The following ZFYVE1 variants were observed in gnomAD, a reference collection of about 807,000 sequenced individuals.
The protein encoded by ZFYVE1 is zinc finger FYVE domain-containing protein 1.
ZFYVE1 carries 30 observed loss-of-function variants against 74.4 expected under a neutral mutation model. The ratio of observed to expected loss-of-function variants is 0.40; its 90% CI spans 0.30 to 0.55. The LOEUF is 0.55. Ranked by LOEUF, ZFYVE1 falls within the 20% of genes least tolerant of loss-of-function variation. ZFYVE1 has a pLI of 0.42. For missense variants in ZFYVE1, 703 were observed against 1,011.6 expected (o/e 0.69, Z 4.14); for synonymous variants, 335 against 385.1 (o/e 0.87, Z 1.52).
At position 73,026,961 on chromosome 14, in the gene ZFYVE1, G is replaced by C. The variant is rs1782773772; in HGVS notation, c.-470C>G. The C allele has an allele frequency of 2.5e-6, 1 of 398,750 alleles. No individual in the cohort carries two copies. The allele number at this position is 398,750 out of a possible 1,614,324, so 24.7% of individuals were successfully genotyped here. On this transcript the variant is annotated 5_prime_UTR_variant, in exon 1 of 12. Coordinates refer to ENST00000556143, the MANE Select transcript of ZFYVE1 (RefSeq NM_021260.4). ...CTCGGCCGCAGCAAGGCGGCGTCGG[G>C]GGGCCGCAGGGCGCCAGTGGGGGCA...
At chr14:72,980,711 G>A (rs946349790) in intron 5 of ZFYVE1, among the ~76,000 whole-genome samples, 23 of 152,176 alleles carry the variant, frequency 1.5e-4, no homozygotes, top group African/African-American at 5.5e-4. Flanking sequence ...GGGACTACAG[G>A]CGCCGGCCAC....
chr14:72,993,350 G>A lies in ZFYVE1; in HGVS notation c.996C>T (p.Pro332=), dbSNP rs1212361059. ...GGATGAGCTTCTCTGGCACCTCTGA[G>A]GGATGATCTATACAAGCAGAAACAC... ...VHTQLLGSDH[P]SEVPEKLIQD... The change falls in exon 4 of 12, where the codon CCC becomes CCT. Residue 332 remains proline, a synonymous_variant. Transcript: ENST00000556143. The A allele has an allele frequency of 1.2e-6, 2 of 1,612,432 alleles. No individual in the cohort carries two copies. Among genetic ancestry groups the A allele is most frequent in the South Asian group, 2.2e-5 (2 of 91,012 alleles).
In ZFYVE1 at chr14:72,974,959, T is replaced by A; in HGVS notation, c.1807A>T (p.Ser603Cys). ...AYWRPNSQILSCNKCATSFKD... is the reference protein window; with the variant it reads ...AYWRPNSQILCCNKCATSFKD... ...AAGGACGTCGCACACTTGTTGCAGC[T>A]CTGTTCCAAGCCCAAAACAAAACAG... Residue 603 changes from serine (S) to cysteine (C), a missense_variant and splice_region_variant, in exon 10 of 12, where the codon AGC becomes TGC. Physicochemically the swap from Ser to Cys is moderately radical, Grantham distance 112 (BLOSUM62 -1). Around this residue, in one of 2 missense-constraint regions of ZFYVE1, gnomAD observed 492 missense variants for 790.0 expected, o/e 0.62. Coordinates refer to ENST00000556143, the MANE Select transcript of ZFYVE1 (RefSeq NM_021260.4). 1 of 1,603,490 alleles carries A rather than the reference T, an allele frequency of 6.2e-7. No individual in the cohort carries two copies. The highest frequency in any genetic ancestry group is 1.1e-5 in the South Asian group (1 of 90,790).
chr14:72,997,337 AGAATT>A (rs1272829546), intron 3 of ZFYVE1, among the ~76,000 whole-genome samples: 2 of 152,192 alleles, frequency 1.3e-5, no homozygotes, highest in Non-Finnish European at 2.9e-5. Context: ...ACTCTGTCAA[AGAATT>A]GAATAAAGTA....
rs190809577 is a variant in ZFYVE1 at position 72,983,280 on chromosome 14, G to A, written c.1204-1385C>T. On this transcript the variant is annotated intron_variant, in intron 4 of 11. Coordinates refer to ENST00000556143, the MANE Select transcript of ZFYVE1 (RefSeq NM_021260.4). Reference sequence around the variant, plus strand: ...TGTTACATACGTATACATGTGCCACGTTGGTGTGCTGCACCCATTAACTCG... The same window carrying A: ...TGTTACATACGTATACATGTGCCACATTGGTGTGCTGCACCCATTAACTCG... Among the ~76,000 whole-genome samples, 439 of 150,848 alleles carry A rather than the reference G, an allele frequency of 2.9e-3. 8 individuals carry two copies. The highest frequency in any genetic ancestry group is 1.2e-3 in the Non-Finnish European group (80 of 67,892).
intron 4 of ZFYVE1, 96 bp downstream of exon 4, chr14:72,993,047 T>C (rs1893657384): frequency 1.6e-6 from 2 of 1,244,324 alleles, no homozygotes; most frequent in Non-Finnish European, 2.2e-6. Context: ...TCCACCCAGA[T>C]TTCCAATCAC....
At chr14:72,983,002 C>T (rs1044222080) in intron 4 of ZFYVE1, among the ~76,000 whole-genome samples, 5 of 152,086 alleles carry the variant, frequency 3.3e-5, no homozygotes, top group African/African-American at 9.7e-5. Context: ...CACCACCACA[C>T]CCGGCTAATT....
At chr14:73,013,695 G>A (rs1894136205) in intron 2 of ZFYVE1, among the ~76,000 whole-genome samples, 1 of 151,958 alleles carries the variant, frequency 6.6e-6, no homozygotes, top group African/African-American at 2.4e-5. Context: ...AAGCTCCTCT[G>A]CGTCTCTTTC....
At chr14:73,013,496 T>C (rs1359071967) in intron 2 of ZFYVE1, among the ~76,000 whole-genome samples, 1 of 151,842 alleles carries the variant, frequency 6.6e-6, no homozygotes, top group African/African-American at 2.4e-5. Flanking sequence ...TAATCCCAGC[T>C]ACTTCGGAGG....
At chr14:72,990,689 C>CCT (rs1893588207) in intron 4 of ZFYVE1, among the ~76,000 whole-genome samples, 22 of 66,682 alleles carry the variant, frequency 3.3e-4, no homozygotes, top group Non-Finnish European at 4.7e-4. Flanking sequence ...CGCACCTGGC[C>CCT]TTTTTTTTTT....
intron 2 of ZFYVE1, among the ~76,000 whole-genome samples, chr14:73,012,853 G>A (rs1894117622): frequency 6.6e-6 from 1 of 152,090 alleles, no homozygotes; most frequent in African/African-American, 2.4e-5. Flanking sequence ...TATATTGAAC[G>A]CTTTGAAAGA....
chr14:73,015,482 C>G (rs1386437927), intron 2 of ZFYVE1, among the ~76,000 whole-genome samples: 1 of 151,778 alleles, frequency 6.6e-6, no homozygotes, highest in African/African-American at 2.4e-5. Flanking sequence ...ACCTCCACCC[C>G]CTGGGTTCAT....
At position 73,024,374 on chromosome 14, in the gene ZFYVE1, G is replaced by A. The variant is rs148268493; in HGVS notation, c.135C>T (p.Cys45=). Residue 45 remains cysteine (C), a synonymous_variant, in exon 2 of 12, where the codon TGC becomes TGT. Coordinates refer to ENST00000556143, the MANE Select transcript of ZFYVE1 (RefSeq NM_021260.4). ...DECCSLQCLR[C]EEELHRQERL... ...GCTCCTGCCGATGGAGCTCCTCCTCGCAGCGGAGACACTGCAGACTGCAGC... is the reference window on the plus strand; with the variant it reads ...GCTCCTGCCGATGGAGCTCCTCCTCACAGCGGAGACACTGCAGACTGCAGC... 42 of 1,613,978 alleles carry A rather than the reference G, an allele frequency of 2.6e-5. No homozygotes were observed. The highest frequency in any genetic ancestry group is 8.3e-5 in the Admixed American group (5 of 59,974).
At chr14:72,988,297 C>G (rs367828901) in intron 4 of ZFYVE1, among the ~76,000 whole-genome samples, 1 of 151,398 alleles carries the variant, frequency 6.6e-6, no homozygotes, top group African/African-American at 2.4e-5. Context: ...GATTCAGCCT[C>G]CCGGGTAGCT....
In ZFYVE1 at chr14:72,976,432, G is replaced by A. The variant is rs535747011; in HGVS notation, c.1636-711C>T. Among the ~76,000 whole-genome samples, 10 of 152,234 alleles carry A rather than the reference G, an allele frequency of 6.6e-5. No individual in the cohort carries two copies. The South Asian group carries it at 1.9e-3, about 28-fold the overall frequency. ...TGCCAAGGAGGTGGGCTCCCATAATGAGACTACTATATAATAACAGATTTC... is the reference window on the plus strand; with the variant it reads ...TGCCAAGGAGGTGGGCTCCCATAATAAGACTACTATATAATAACAGATTTC... On this transcript the variant is annotated intron_variant, in intron 8 of 11. Coordinates refer to ENST00000556143, the MANE Select transcript of ZFYVE1 (RefSeq NM_021260.4).
chr14:72,981,983 C>A (rs1043867242), intron 4 of ZFYVE1, 88 bp from the exon 5 acceptor site: 2 of 1,103,892 alleles, frequency 1.8e-6, no homozygotes, highest in African/African-American at 3.1e-5. Context: ...ACAAGCAACA[C>A]AGGCACAGAA....
chr14:73,027,024 T>A lies in ZFYVE1; in HGVS notation c.-533A>T. On this transcript the variant is annotated 5_prime_UTR_variant, in exon 1 of 12. It removes an upstream start codon present in the reference 5' UTR. Transcript: ENST00000556143. The stretch of plus-strand genomic sequence containing the variant: ...CAGGACACCGGCAGATCCATCCTCA[T>A]CTCCATCTCCGCCACCCTCCTCCTT... 5.0e-6 allele frequency: 2 copies of A among 399,002 alleles called. No homozygotes were observed. The highest frequency in any genetic ancestry group is 8.8e-6 in the Non-Finnish European group (2 of 226,424). The allele number at this position is 399,002 out of a possible 1,614,324, so 24.7% of individuals were successfully genotyped here. A position where few individuals can be genotyped will look rare whatever the true frequency, so the allele number is the denominator to read the frequency against.
rs186702831 is a variant in ZFYVE1 at position 72,971,024 on chromosome 14, T to C, written c.2192A>G (p.Lys731Arg). The C allele has an allele frequency of 1.1e-4, 180 of 1,614,176 alleles. No homozygotes were observed. The East Asian group carries it at 3.9e-3, about 35-fold the overall frequency. Reference sequence around the variant, plus strand: ...GGCCCGGCAGTGGTGCTTGGAGAGCTTGATGCTGAACTCCTTCCGGCAGTT... The same window carrying C: ...GGCCCGGCAGTGGTGCTTGGAGAGCCTGATGCTGAACTCCTTCCGGCAGTT... Reference protein sequence around the residue: ...CHNCRKEFSIKLSKHHCRACG... With the variant: ...CHNCRKEFSIRLSKHHCRACG... Residue 731 changes from lysine (K) to arginine (R), a missense_variant, in exon 12 of 12, where the codon AAG becomes AGG. Lys to Arg is a conservative substitution (Grantham distance 26). Transcript: ENST00000556143.
intron 4 of ZFYVE1, among the ~76,000 whole-genome samples, chr14:72,991,843 CA>C (rs1214981075): frequency 1.3e-5 from 2 of 151,978 alleles, no homozygotes; most frequent in Non-Finnish European, 2.9e-5. Context: ...TACTATATAA[CA>C]AGTACTTTGT....
Sources: allele counts gnomAD v4.1 joint callset (sites outside exome capture counted in the v4.1 genomes callset), GRCh38; gene constraint gnomAD v4.1.1; regional missense constraint gnomAD v4.1.1; transcripts MANE v1.5; gene names NCBI Gene and HGNC (gene_info 2026-07-23, HGNC 2026-07-21).